CEP85L: variants seen among roughly 807,000 people sequenced by gnomAD.
The protein encoded by CEP85L is centrosomal protein 85L.
CEP85L carries 60 observed loss-of-function variants against 100.3 expected under a neutral mutation model. The observed-to-expected ratio is 0.60, with a 90% CI of 0.49 to 0.74. The LOEUF (loss-of-function observed/expected upper bound fraction) is 0.74, where lower values mean the gene tolerates loss of function less well. Ranked by LOEUF, CEP85L falls within the 30% of genes least tolerant of loss-of-function variation. CEP85L has a pLI of 0.00. For synonymous variants in CEP85L, 319 were observed against 322.7 expected (o/e 0.99, Z 0.12); for missense variants, 973 against 936.2 (o/e 1.04, Z -0.51).
intron 1 of CEP85L, among the ~76,000 whole-genome samples, chr6:118,665,400 G>A (rs1007107825): frequency 2.6e-5 from 4 of 151,108 alleles, no homozygotes; most frequent in African/African-American, 9.8e-5. Flanking sequence ...TGCTGGATGC[G>A]CAGGCTGGAT....
chr6:118,513,281 G>GA (rs951733217), intron 4 of CEP85L, among the ~76,000 whole-genome samples: 2 of 151,878 alleles, frequency 1.3e-5, no homozygotes, highest in East Asian at 3.9e-4. Context: ...GTAGGGGACA[G>GA]AAAAAAAATA....
At chr6:118,680,964 C>A (rs1431212109) in intron 1 of CEP85L, among the ~76,000 whole-genome samples, 1 of 152,024 alleles carries the variant, frequency 6.6e-6, no homozygotes, top group East Asian at 1.9e-4. Context: ...GAGTTTACTG[C>A]TGCGCTACTA....
chr6:118,504,102 G>A (rs1490117690), intron 5 of CEP85L, among the ~76,000 whole-genome samples: 4 of 152,126 alleles, frequency 2.6e-5, no homozygotes, highest in Admixed American at 6.5e-5. Context: ...GGCCGGGCGC[G>A]GTAGCTCACA....
chr6:118,684,866 G>A (rs985546911), intron 1 of CEP85L, among the ~76,000 whole-genome samples: 1 of 152,004 alleles, frequency 6.6e-6, no homozygotes, highest in Non-Finnish European at 1.5e-5. Flanking sequence ...TGCCCAGGCT[G>A]GTCCTGAACT....
intron 1 of CEP85L, among the ~76,000 whole-genome samples, chr6:118,683,849 TGAA>T (rs1429625064): frequency 1.3e-5 from 2 of 152,224 alleles, no homozygotes; most frequent in Non-Finnish European, 2.9e-5. Flanking sequence ...TGCTTGCCTC[TGAA>T]GAAGATCATT....
intron 3 of CEP85L, 87 bp from the exon 4 acceptor site, chr6:118,524,007 T>G (rs1032376170): frequency 1.5e-5 from 8 of 525,134 alleles, no homozygotes; most frequent in Non-Finnish European, 2.5e-5. Context: ...AGATTTATAT[T>G]AAAAAAAAAG....
intron 1 of CEP85L, among the ~76,000 whole-genome samples, chr6:118,685,218 CA>C (rs1470090772): frequency 2.0e-5 from 3 of 152,026 alleles, no homozygotes; most frequent in Non-Finnish European, 4.4e-5. Context: ...AATAAAACAA[CA>C]TAAGAAGTTG....
chr6:118,534,971 T>C (rs1336802132), intron 3 of CEP85L, among the ~76,000 whole-genome samples: 1 of 152,096 alleles, frequency 6.6e-6, no homozygotes, highest in African/African-American at 2.4e-5. Flanking sequence ...AGTGAACAAC[T>C]GCAGTTACAG....
chr6:118,481,576 T>C (rs1773786379), intron 8 of CEP85L, among the ~76,000 whole-genome samples: 1 of 152,092 alleles, frequency 6.6e-6, no homozygotes, highest in African/African-American at 2.4e-5. Context: ...AGTGGGTAAA[T>C]ACTTGGCAAA....
At chr6:118,516,057 T>C (rs913128357) in intron 4 of CEP85L, among the ~76,000 whole-genome samples, 6 of 152,228 alleles carry the variant, frequency 3.9e-5, no homozygotes, top group Admixed American at 3.3e-4. Context: ...GCTTCATCCA[T>C]GTCCCTGCAA....
At chr6:118,670,428 T>C (rs1281924247) in intron 1 of CEP85L, among the ~76,000 whole-genome samples, 1 of 151,158 alleles carries the variant, frequency 6.6e-6, no homozygotes, top group East Asian at 1.9e-4. Flanking sequence ...CTCTTCTTTG[T>C]GTTTCCTTTT....
At chr6:118,645,340 T>C (rs1775112207) in intron 1 of CEP85L, among the ~76,000 whole-genome samples, 1 of 152,188 alleles carries the variant, frequency 6.6e-6, no homozygotes, top group African/African-American at 2.4e-5. Flanking sequence ...AGCTGCATCA[T>C]CTCACTATCT....
chr6:118,527,984 G>T (rs1022178363), intron 3 of CEP85L, among the ~76,000 whole-genome samples: 2 of 152,008 alleles, frequency 1.3e-5, no homozygotes, highest in Admixed American at 1.3e-4. Context: ...AAAATAGGTA[G>T]ATTCTCTATT....
Position 118,566,490 on chromosome 6 carries a change from T to C in CEP85L, c.233-174A>G, listed in dbSNP as rs535290561. Among the ~76,000 whole-genome samples the C allele has an allele frequency of 2.3e-3, 346 of 152,268 alleles. 1 individual carries two copies. Among genetic ancestry groups the C allele is most frequent in the Non-Finnish European group, 3.7e-3 (255 of 68,012 alleles). On this transcript the variant is annotated intron_variant, in intron 2 of 12. Coordinates refer to ENST00000368491, the MANE Select transcript of CEP85L (RefSeq NM_001042475.3). Reference sequence around the variant, plus strand: ...TGGAGTGCAGTGGCAAGATCTCGGCTCACCGCAATCTCTGCCTCCTGGGTT... The same window carrying C: ...TGGAGTGCAGTGGCAAGATCTCGGCCCACCGCAATCTCTGCCTCCTGGGTT...
At chr6:118,582,024 T>C (rs557753804) in intron 2 of CEP85L, among the ~76,000 whole-genome samples, 2 of 152,330 alleles carry the variant, frequency 1.3e-5, no homozygotes, top group East Asian at 1.9e-4. Flanking sequence ...TTCTGTACAA[T>C]TGACCCAGTT....
intron 5 of CEP85L, among the ~76,000 whole-genome samples, chr6:118,499,546 C>T (rs573821488): frequency 4.3e-4 from 66 of 152,174 alleles, no homozygotes; most frequent in Middle Eastern, 3.4e-3. Context: ...CACCTGTAGT[C>T]CTAGCTACTC....
chr6:118,618,590 T>C (rs548814159), intron 2 of CEP85L, among the ~76,000 whole-genome samples: 15 of 152,304 alleles, frequency 9.8e-5, no homozygotes, highest in Non-Finnish European at 2.1e-4. Context: ...GTTGAATTGC[T>C]TTTTCAACCA....
chr6:118,567,245 GTGTGTATATATATATATATATA>G (rs1181688216), intron 2 of CEP85L, among the ~76,000 whole-genome samples: 6 of 31,636 alleles, frequency 1.9e-4, no homozygotes, highest in South Asian at 7.8e-4. Context: ...GTGTGTGTGT[GTGTGTATATATATATATATATA>G]TATATATATA....
At chr6:118,631,604 T>C (rs1440970827) in intron 2 of CEP85L, among the ~76,000 whole-genome samples, 5 of 152,216 alleles carry the variant, frequency 3.3e-5, no homozygotes, top group Non-Finnish European at 1.5e-5. Context: ...TAAAGTGTAT[T>C]CTCTCCAATA....
Sources: gnomAD v4.1 joint callset for allele counts (sites outside exome capture counted in the v4.1 genomes callset) on GRCh38, gnomAD v4.1.1 for gene constraint, MANE v1.5 for transcripts, NCBI Gene and HGNC (gene_info 2026-07-23, HGNC 2026-07-21) for gene names.